The following RNF114 variants were observed in gnomAD, a reference collection of about 807,000 sequenced individuals.
RNF114 encodes ring finger protein 114.
A neutral mutation model predicts 28.4 loss-of-function variants in RNF114; 6 were observed. The ratio of observed to expected loss-of-function variants is 0.21; its 90% CI spans 0.12 to 0.42. The LOEUF (loss-of-function observed/expected upper bound fraction) is 0.42, where lower values mean the gene tolerates loss of function less well. RNF114 is among the 10% of genes least tolerant of loss of function. The pLI is 1.00. For missense variants in RNF114, 249 were observed against 311.7 expected, an observed-to-expected ratio of 0.80 and a Z score of 1.51; for synonymous variants, 115 against 116.7, an observed-to-expected ratio of 0.99 and a Z score of 0.09.
intron 5 of RNF114, among the ~76,000 whole-genome samples, chr20:49,949,978 G>A (rs371014400): frequency 4.7e-5 from 7 of 150,516 alleles, no homozygotes; most frequent in Non-Finnish European, 7.4e-5. Flanking sequence ...TGGGCTGGGC[G>A]CAGTGGCTCA....
chr20:49,936,577 CG>C (rs760967204), intron 1 of RNF114, 25 bp downstream of exon 1: 2 of 1,573,534 alleles, frequency 1.3e-6, no homozygotes, highest in South Asian at 1.2e-5. Flanking sequence ...CGGGCCTGGT[CG>C]GGGGGCGCTT....
intron 1 of RNF114, among the ~76,000 whole-genome samples, chr20:49,938,506 G>A (rs546012402): frequency 6.6e-6 from 1 of 152,218 alleles, no homozygotes; most frequent in South Asian, 2.1e-4. Flanking sequence ...ACTCTGGCTG[G>A]GGCATTGGAT....
intron 2 of RNF114, 177 bp downstream of exon 2, chr20:49,941,888 T>C (rs1316140423): frequency 1.8e-6 from 1 of 566,484 alleles, no homozygotes; most frequent in African/African-American, 2.0e-5. Context: ...TACTGGTTTT[T>C]GTTTCTTTTT....
chr20:49,941,555 T>C lies in RNF114; in HGVS notation c.141-6T>C. On this transcript the variant is annotated splice_region_variant and splice_polypyrimidine_tract_variant and intron_variant, in intron 1 of 5. Coordinates refer to ENST00000244061, the MANE Select transcript of RNF114 (RefSeq NM_018683.4). ...TGACAGAGGTTCTCTGTATGTCTTG[T>C]TCTAGCTTTTGCTCTGCATGCCTGC... is the stretch of plus-strand genomic sequence containing the variant. 6.3e-7 allele frequency: 1 copy of C among 1,587,318 alleles called. No homozygotes were observed. The highest frequency in any genetic ancestry group is 1.1e-5 in the South Asian group (1 of 88,968).
At chr20:49,947,900 T>G (rs1464761419) in intron 4 of RNF114, among the ~76,000 whole-genome samples, 1 of 146,230 alleles carries the variant, frequency 6.8e-6, no homozygotes, top group Non-Finnish European at 1.5e-5. Context: ...CACGCCATTC[T>G]CCTGCCTCAG....
At chr20:49,951,864 C>T (rs1038918452) in intron 5 of RNF114, among the ~76,000 whole-genome samples, 3 of 151,804 alleles carry the variant, frequency 2.0e-5, no homozygotes, top group Admixed American at 6.6e-5. Context: ...GGCAACAGAG[C>T]GAGACTCCAT....
At chr20:49,950,682 CAAAAAA>C (rs11429510) in intron 5 of RNF114, among the ~76,000 whole-genome samples, 1 of 90,536 alleles carries the variant, frequency 1.1e-5, no homozygotes, top group Non-Finnish European at 2.1e-5. Flanking sequence ...GACCCTGTCT[CAAAAAA>C]AAAAAAAAAA....
rs2090326008 is a variant in RNF114 at position 49,945,391 on chromosome 20, T to C, written c.301T>C (p.Ser101Pro). 1 of 1,609,886 alleles carries C rather than the reference T, an allele frequency of 6.2e-7. No individual in the cohort carries two copies. The change falls in exon 3 of 6, where the codon TCC (serine) becomes CCC (proline). Residue 101 changes from serine (S) to proline (P), a missense_variant. Coordinates refer to ENST00000244061, the MANE Select transcript of RNF114 (RefSeq NM_018683.4). ...CHGCRKNFFL[S>P]KIRSHVATCS... ...ATTCTTCCTATTTGAGTTCTTCCTG[T>C]CCAAGATCCGGTCCCACGTGGCTAC...
Position 49,936,496 on chromosome 20 carries a change from G to T in RNF114, c.84G>T (p.Thr28=). The part of the protein sequence containing the change: ...AAEADPLGRF[T]CPVCLEVYEK... ...AGGCTGACCCCCTAGGACGCTTCAC[G>T]TGTCCCGTGTGCTTAGAGGTGTACG... The change falls in exon 1 of 6, where the codon ACG becomes ACT. Residue 28 remains threonine (T), a synonymous_variant. Transcript: ENST00000244061. The T allele has an allele frequency of 1.9e-6, 3 of 1,572,640 alleles. No individual in the cohort carries two copies. The highest frequency in any genetic ancestry group is 8.6e-7 in the Non-Finnish European group (1 of 1,160,512).
rs1003687993 is a variant in RNF114 at position 49,949,317 on chromosome 20, A to G, written c.583A>G (p.Ile195Val). ...NYRSANFREHIQRRHRFSYDT... is the reference protein window; with the variant it reads ...NYRSANFREHVQRRHRFSYDT... ...CCGCAGCGCCAACTTCAGAGAGCAC[A>G]TCCAGCGCCGGCACCGGTTTTCTTA... The change falls in exon 5 of 6, where the codon ATC becomes GTC. Residue 195 changes from isoleucine (I) to valine (V), a missense_variant. Transcript: ENST00000244061. 1 of 1,614,156 alleles carries G rather than the reference A, an allele frequency of 6.2e-7. No homozygotes were observed. Among genetic ancestry groups the G allele is most frequent in the Admixed American group, 1.7e-5 (1 of 60,026 alleles).
At chr20:49,948,036 C>T (rs947017334) in intron 4 of RNF114, among the ~76,000 whole-genome samples, 3 of 151,734 alleles carry the variant, frequency 2.0e-5, no homozygotes, top group East Asian at 1.9e-4. Context: ...GTGATCCGCC[C>T]GTCTCGGCCT....
At chr20:49,939,909 C>A (rs1202547010) in intron 1 of RNF114, among the ~76,000 whole-genome samples, 1 of 151,878 alleles carries the variant, frequency 6.6e-6, no homozygotes, top group Admixed American at 6.6e-5. Context: ...ATAAAATTAG[C>A]TGGGTGTGGT....
At chr20:49,950,883 C>T (rs1005474741) in intron 5 of RNF114, among the ~76,000 whole-genome samples, 1 of 152,090 alleles carries the variant, frequency 6.6e-6, no homozygotes. Context: ...TTCTCCACCC[C>T]CCATGCCCAA....
intron 5 of RNF114, among the ~76,000 whole-genome samples, chr20:49,951,449 C>T (rs1266740277): frequency 2.0e-5 from 3 of 152,174 alleles, no homozygotes; most frequent in Non-Finnish European, 4.4e-5. Flanking sequence ...AACAACTCTT[C>T]AGCTCAGTGC....
At chr20:49,941,879 A>G in intron 2 of RNF114, 168 bp downstream of exon 2, 1 of 603,970 alleles carries the variant, frequency 1.7e-6, no homozygotes, top group Non-Finnish European at 2.7e-6. Context: ...TCATAACCTT[A>G]CTGGTTTTTG....
At chr20:49,940,774 C>T (rs187907878) in intron 1 of RNF114, among the ~76,000 whole-genome samples, 13 of 151,478 alleles carry the variant, frequency 8.6e-5, no homozygotes, top group East Asian at 3.9e-4. Context: ...CTCCACCCCC[C>T]CCTTGAGACA....
chr20:49,945,472 G>T lies in RNF114; in HGVS notation c.382G>T (p.Ala128Ser). The stretch of plus-strand genomic sequence containing the variant: ...AGGTGTGAAGGCCACCATTAAGGAT[G>T]CATCTCTTCAGCCAAGGTAAATGAC... ...MEGVKATIKD[A>S]SLQPRNVPNR... The change falls in exon 3 of 6, where the codon GCA becomes TCA. Residue 128 changes from alanine to serine, a missense_variant. Physicochemically the swap from Ala to Ser is moderately conservative, Grantham distance 99 (BLOSUM62 1). Around this residue, in one of 2 missense-constraint regions of RNF114, gnomAD observed 126 missense variants for 205.3 expected, o/e 0.61. Transcript: ENST00000244061. The T allele has an allele frequency of 1.2e-6, 2 of 1,605,966 alleles. No individual in the cohort carries two copies. The highest frequency in any genetic ancestry group is 1.7e-6 in the Non-Finnish European group (2 of 1,172,644).
At position 49,952,370 on chromosome 20, in the gene RNF114, G is replaced by C. The variant is rs1006264506; in HGVS notation, c.*229G>C. 18 of 552,892 alleles carry C rather than the reference G, an allele frequency of 3.3e-5. No individual in the cohort carries two copies. In the Admixed American group the frequency reaches 3.6e-4, roughly 11 times the overall value. The allele number at this position is 552,892 out of a possible 1,614,324, so 34.2% of individuals were successfully genotyped here. On this transcript the variant is annotated 3_prime_UTR_variant, in exon 6 of 6. Transcript: ENST00000244061. ...CTACTGTTAACCTTGTTTGTCACAC[G>C]GTCGAGTTCGTATTGGTTCTCGGCT... is the stretch of plus-strand genomic sequence containing the variant.
chr20:49,951,723 T>A (rs1251646941), intron 5 of RNF114, among the ~76,000 whole-genome samples: 1 of 152,054 alleles, frequency 6.6e-6, no homozygotes, highest in Non-Finnish European at 1.5e-5. Flanking sequence ...ACTAAAAACA[T>A]AAAAATTAGC....
Sources: allele counts gnomAD v4.1 joint callset (sites outside exome capture counted in the v4.1 genomes callset), GRCh38; gene constraint gnomAD v4.1.1; regional missense constraint gnomAD v4.1.1; transcripts MANE v1.5; gene names NCBI Gene and HGNC (gene_info 2026-07-23, HGNC 2026-07-21).